PINK1: variants seen among roughly 807,000 people sequenced by gnomAD.
PINK1 encodes the protein serine/threonine-protein kinase PINK1, mitochondrial.
Under a neutral mutation model 56.0 loss-of-function variants are expected in PINK1, and 58 were observed. That is an observed-to-expected ratio of 1.04 (90% CI 0.84 to 1.29). The LOEUF (loss-of-function observed/expected upper bound fraction) is 1.29. PINK1 is among the 50% of genes most tolerant of loss of function. The pLI, the probability that PINK1 is intolerant of heterozygous loss-of-function variation, is 0.00. For synonymous variants in PINK1, 354 were observed against 339.3 expected, an observed-to-expected ratio of 1.04 and a Z score of -0.48; for missense variants, 745 against 777.9, an observed-to-expected ratio of 0.96 and a Z score of 0.50.
At chr1:20,643,243 G>A (rs1049459769) in intron 3 of PINK1, 9 of 152,272 alleles carry the variant, frequency 5.9e-5, no homozygotes, top group South Asian at 2.1e-4. Context: ...GACTCCTTGG[G>A]CCAGTCAGCT....
chr1:20,649,764 C>CCAAA, intron 7 of PINK1: 1 of 88,808 alleles, frequency 1.1e-5, no homozygotes, highest in Non-Finnish European at 2.2e-5. Flanking sequence ...GTCTTTGTCT[C>CCAAA]AAAAAAAAAA....
chr1:20,645,740 C>T lies in PINK1; in HGVS notation c.1123+17C>T, dbSNP rs1045684873. On this transcript the variant is annotated intron_variant, in intron 5 of 7. Coordinates refer to ENST00000321556, the MANE Select transcript of PINK1 (RefSeq NM_032409.3). ...TGGACCCAGGTAGGAACCTGCTGCACCATCAGAGCTCTCCAGGGGCACTAG... is the reference window on the plus strand; with the variant it reads ...TGGACCCAGGTAGGAACCTGCTGCATCATCAGAGCTCTCCAGGGGCACTAG... 2 of 1,614,054 alleles carry T rather than the reference C, an allele frequency of 1.2e-6. No homozygotes were observed. The highest frequency in any genetic ancestry group is 2.2e-5 in the South Asian group (2 of 91,074).
rs2053213328 is a variant in PINK1, at chr1:20,648,312, T to C, written c.1124-193T>C. On this transcript the variant is annotated intron_variant, in intron 5 of 7. Transcript: ENST00000321556. ...GCCTGGGGATTTTGCAGCCTGTACT[T>C]ACTGGAGGCATTTCCGTGTTCGCAC... is the stretch of plus-strand genomic sequence containing the variant. 1.3e-5 allele frequency: 9 copies of C among 710,758 alleles called. 1 individual carries two copies. Among genetic ancestry groups the C allele is most frequent in the South Asian group, 1.0e-4 (6 of 59,734 alleles). 44.0% of individuals were successfully genotyped at this position (710,758 alleles called of 1,614,324 possible). A position where few individuals can be genotyped will look rare whatever the true frequency, so the allele number is the denominator to read the frequency against.
In PINK1 at chr1:20,644,445, G is replaced by T. The variant is rs773266267; in HGVS notation, c.777-45G>T. 27 of 1,589,636 alleles carry T rather than the reference G, an allele frequency of 1.7e-5. No individual in the cohort carries two copies. The African/African-American group carries it at 3.4e-4, about 20-fold the overall frequency. The stretch of plus-strand genomic sequence containing the variant: ...CCTTAGGTTATTCTTTCCAGGTGTT[G>T]TATCTGATGCTGGCCTCATATGTTT... On this transcript the variant is annotated intron_variant, in intron 3 of 7. Coordinates refer to ENST00000321556, the MANE Select transcript of PINK1 (RefSeq NM_032409.3).
At chr1:20,634,000 T>TGGGGG in intron 1 of PINK1, 65 bp downstream of exon 1, 1 of 696,618 alleles carries the variant, frequency 1.4e-6, no homozygotes, top group South Asian at 2.5e-5. Flanking sequence ...GGTCCTCAGC[T>TGGGGG]GGGTGGGGGC....
At chr1:20,647,052 G>GTTT (rs2053191284) in intron 5 of PINK1, among the ~76,000 whole-genome samples, 1 of 83,408 alleles carries the variant, frequency 1.2e-5, no homozygotes, top group African/African-American at 4.2e-5. Context: ...GCTAATTTTT[G>GTTT]ATTTTTTTTT....
intron 2 of PINK1, chr1:20,638,882 T>C (rs3121679): frequency 0.84 from 128,309 of 152,604 alleles, 54,216 homozygotes; most frequent in Middle Eastern, 0.9. Context: ...TCTCTTTCCT[T>C]TAAGCTCACT....
Position 20,650,690 on chromosome 1 carries a change from G to A in PINK1, c.1745G>A (p.Ter582=), listed in dbSNP as rs765643910. Residue 582 remains the stop codon, a stop_retained_variant, in exon 8 of 8, where the codon TGA becomes TAA. Coordinates refer to ENST00000321556, the MANE Select transcript of PINK1 (RefSeq NM_032409.3). ...LLLCSWRAAL[*] is the part of the protein sequence containing the mutation. ...CTCTGCTCATGGAGGGCAGCCCTGT[G>A]ATGTCCCTGCATGGAGCTGGTGAAT... The A allele has an allele frequency of 6.2e-7, 1 of 1,613,360 alleles. No individual in the cohort carries two copies. Among genetic ancestry groups the A allele is most frequent in the Admixed American group, 1.7e-5 (1 of 60,006 alleles).
intron 1 of PINK1, among the ~76,000 whole-genome samples, chr1:20,637,234 A>G (rs1014906158): frequency 4.6e-5 from 7 of 152,198 alleles, no homozygotes; most frequent in Admixed American, 3.9e-4. Context: ...TTTTTGTCAC[A>G]TGGCCTCTTT....
At chr1:20,640,061 C>A in intron 3 of PINK1, 69 bp downstream of exon 3, 1 of 1,266,260 alleles carries the variant, frequency 7.9e-7, no homozygotes, top group Non-Finnish European at 1.1e-6. Flanking sequence ...CACTTATGTC[C>A]TCAGCACCTG....
intron 1 of PINK1, among the ~76,000 whole-genome samples, chr1:20,635,387 G>A (rs2154533564): frequency 1.3e-5 from 2 of 152,170 alleles, no homozygotes; most frequent in Middle Eastern, 6.8e-3. Context: ...TGTAATCCCA[G>A]CTACTTGGGA....
intron 5 of PINK1, among the ~76,000 whole-genome samples, chr1:20,647,466 C>CTTT (rs34054663): frequency 0.028 from 2,016 of 73,166 alleles, 109 homozygotes; most frequent in African/African-American, 0.031. Flanking sequence ...TGGGAGTTGG[C>CTTT]TTTTTTTTTT....
intron 6 of PINK1, 132 bp from the exon 7 acceptor site, chr1:20,648,863 G>A (rs1318988768): frequency 7.9e-7 from 1 of 1,268,140 alleles, no homozygotes; most frequent in East Asian, 2.4e-5. Flanking sequence ...TTCTGGGTCT[G>A]AGCCACAGCT....
At position 20,644,672 on chromosome 1, in the gene PINK1, A is replaced by G; in HGVS notation, c.959A>G (p.Asn320Ser). 1 of 1,614,168 alleles carries G rather than the reference A, an allele frequency of 6.2e-7. No homozygotes were observed. Among genetic ancestry groups the G allele is most frequent in the Non-Finnish European group, 8.5e-7 (1 of 1,180,046 alleles). The change falls in exon 4 of 8, where the codon AAC (asparagine) becomes AGC (serine). Residue 320 changes from asparagine to serine, a missense_variant and splice_region_variant. Asn to Ser is a conservative substitution (Grantham distance 46, BLOSUM62 1). Transcript: ENST00000321556. ...CGGACGCTGTTCCTCGTTATGAAGA[A>G]GTAAGTGACAGCAGCGCGGCAGGGC... ...HGRTLFLVMK[N>S]YPCTLRQYLC...
rs368222506 is a variant in PINK1 at position 20,633,955 on chromosome 1, A to G, written c.387+20A>G. 2,387 of 1,575,908 alleles carry G rather than the reference A, an allele frequency of 1.5e-3. 2 individuals are homozygous for G. Among genetic ancestry groups the G allele is most frequent in the Non-Finnish European group, 1.9e-3 (2,205 of 1,165,844 alleles). ...ATCCAGGTGAGCGGGGCCGGGTCCT[A>G]AGCCGAGCGGAGGACGGAGCTAAGC... On this transcript the variant is annotated intron_variant, in intron 1 of 7. Coordinates refer to ENST00000321556, the MANE Select transcript of PINK1 (RefSeq NM_032409.3).
chr1:20,634,245 ATTCC>A (rs2053031051), intron 1 of PINK1, among the ~76,000 whole-genome samples: 1 of 152,208 alleles, frequency 6.6e-6, no homozygotes, highest in Non-Finnish European at 1.5e-5. Flanking sequence ...AAATCATAAC[ATTCC>A]TATCCCTTTG....
At chr1:20,646,571 G>A (rs2154533898) in intron 5 of PINK1, among the ~76,000 whole-genome samples, 1 of 152,216 alleles carries the variant, frequency 6.6e-6, no homozygotes, top group Non-Finnish European at 1.5e-5. Context: ...TTGAACCCGG[G>A]AGGCGGAGGT....
At chr1:20,636,651 A>G (rs1557560712) in intron 1 of PINK1, among the ~76,000 whole-genome samples, 1 of 152,088 alleles carries the variant, frequency 6.6e-6, no homozygotes, top group Non-Finnish European at 1.5e-5. Flanking sequence ...CTGGACTTTC[A>G]TTTTTTTAAA....
chr1:20,637,699 C>T, intron 1 of PINK1, 143 bp from the exon 2 acceptor site: 2 of 912,222 alleles, frequency 2.2e-6, no homozygotes, highest in South Asian at 1.4e-5. Flanking sequence ...AGCAGTAGAA[C>T]CTGGTTGGGT....
Sources: allele counts gnomAD v4.1 joint callset (sites outside exome capture counted in the v4.1 genomes callset), GRCh38; gene constraint gnomAD v4.1.1; transcripts MANE v1.5; gene names NCBI Gene and HGNC (gene_info 2026-07-23, HGNC 2026-07-21).